COMT: variants seen among roughly 807,000 people sequenced by gnomAD.
COMT encodes the protein catechol O-methyltransferase.
Under a neutral mutation model 18.9 loss-of-function variants are expected in COMT, and 13 were observed. The ratio of observed to expected loss-of-function variants is 0.69; its 90% CI spans 0.45 to 1.09. COMT has a LOEUF of 1.09. Ranked by LOEUF, COMT falls within the 50% of genes least tolerant of loss-of-function variation. The probability of loss-of-function intolerance (pLI) is 0.00; values close to 1 mark genes in which losing one functional copy is unlikely to be tolerated. For missense variants in COMT, 329 were observed against 361.8 expected, an observed-to-expected ratio of 0.91 and a Z score of 0.73; for synonymous variants, 150 against 160.9, an observed-to-expected ratio of 0.93 and a Z score of 0.51.
intron 1 of COMT, among the ~76,000 whole-genome samples, chr22:19,949,341 A>G (rs1213534156): frequency 6.6e-6 from 1 of 152,084 alleles, no homozygotes; most frequent in Non-Finnish European, 1.5e-5. Context: ...GGGTTTCATC[A>G]TGTTTCCCAG....
rs201665828 is a variant in COMT at position 19,958,899 on chromosome 22, C to CA, written c.-91-2291dup. On this transcript the variant is annotated intron_variant, in intron 1 of 5. Coordinates refer to ENST00000361682, the MANE Select transcript of COMT (RefSeq NM_000754.4). The stretch of plus-strand genomic sequence containing the variant: ...AGAGTGAGACCCTGTTTCAAAAAAA[C>CA]AAAAAAAAAGCACATTTCAAACATA... Among the ~76,000 whole-genome samples the CA allele has an allele frequency of 3.9e-3, 583 of 150,476 alleles. 4 individuals carry two copies. Among genetic ancestry groups the CA allele is most frequent in the African/African-American group, 0.012 (484 of 41,030 alleles).
intron 1 of COMT, among the ~76,000 whole-genome samples, chr22:19,955,681 C>T (rs558962880): frequency 1.3e-4 from 20 of 152,382 alleles, no homozygotes; most frequent in African/African-American, 4.1e-4. Flanking sequence ...CTTGTCTCCC[C>T]GACTGGGCCA....
At chr22:19,965,567 C>T (rs960249445) in intron 5 of COMT, 1 of 152,206 alleles carries the variant, frequency 6.6e-6, no homozygotes, top group African/African-American at 2.4e-5. Flanking sequence ...GTCTCAATAT[C>T]CTGACTTCGT....
intron 1 of COMT, among the ~76,000 whole-genome samples, chr22:19,959,929 C>A (rs1268595755): frequency 1.3e-5 from 2 of 152,186 alleles, no homozygotes; most frequent in African/African-American, 4.8e-5. Flanking sequence ...GTGGGACAGG[C>A]GGGCACTGGG....
rs942756513 is a variant in COMT, at chr22:19,969,573, C to T, written c.*837C>T. On this transcript the variant is annotated 3_prime_UTR_variant, in exon 6 of 6. Coordinates refer to ENST00000361682, the MANE Select transcript of COMT (RefSeq NM_000754.4). ...CTAGCCACCTCAGAGGCTCCAAGGG[C>T]CCAGTTCCCAGGCCCAGGACAGGAA... The T allele has an allele frequency of 2.0e-5, 3 of 152,836 alleles. No individual in the cohort carries two copies. The highest frequency in any genetic ancestry group is 4.8e-5 in the African/African-American group (2 of 41,452). The allele number at this position is 152,836 out of a possible 1,614,324, so 9.5% of individuals were successfully genotyped here.
Position 19,963,321 on chromosome 22 carries a change from T to C in COMT, c.290-245T>C, listed in dbSNP as rs1460091433. On this transcript the variant is annotated intron_variant, in intron 3 of 5. Coordinates refer to ENST00000361682, the MANE Select transcript of COMT (RefSeq NM_000754.4). Reference sequence around the variant, plus strand: ...GAAAAGATAGGGACCAGCGTGAGCATAGAGGCTAAGGGACCATGGGAGCTC... The same window carrying C: ...GAAAAGATAGGGACCAGCGTGAGCACAGAGGCTAAGGGACCATGGGAGCTC... 5.0e-6 allele frequency: 3 copies of C among 599,518 alleles called. 1 individual carries two copies. The East Asian group carries it at 8.3e-5, about 17-fold the overall frequency. 37.1% of individuals were successfully genotyped at this position (599,518 alleles called of 1,614,324 possible). A position where few individuals can be genotyped will look rare whatever the true frequency, so the allele number is the denominator to read the frequency against.
At chr22:19,942,283 G>A (rs1569122108) in intron 1 of COMT, among the ~76,000 whole-genome samples, 1 of 152,170 alleles carries the variant, frequency 6.6e-6, no homozygotes, top group African/African-American at 2.4e-5. Context: ...CACAGGGGAG[G>A]GTCCCACTTG....
intron 1 of COMT, chr22:19,950,845 C>T (rs913369501): frequency 2.0e-5 from 3 of 152,186 alleles, no homozygotes. Context: ...AGGAAGGAAG[C>T]AGACAGAGGC....
chr22:19,942,066 G>A (rs1941743364), intron 1 of COMT, 169 bp downstream of exon 1: 2 of 392,974 alleles, frequency 5.1e-6, no homozygotes, highest in Non-Finnish European at 9.0e-6. Flanking sequence ...GATGGGAACT[G>A]GGGAATTCGG....
chr22:19,957,804 G>C (rs71312727), intron 1 of COMT, among the ~76,000 whole-genome samples: 16,648 of 152,302 alleles, frequency 0.11, 1,086 homozygotes, highest in Non-Finnish European at 0.14. Context: ...TCATGAGCTT[G>C]CGAGCCGATG....
chr22:19,948,641 CAG>C (rs1569125405), intron 1 of COMT, among the ~76,000 whole-genome samples: 2 of 152,118 alleles, frequency 1.3e-5, no homozygotes, highest in African/African-American at 4.8e-5. Flanking sequence ...GCCTCAGTAA[CAG>C]AGTGAGACTC....
chr22:19,968,955 T>C lies in COMT; in HGVS notation c.*219T>C, dbSNP rs1444921889. 1.1e-5 allele frequency: 6 copies of C among 548,120 alleles called. No homozygotes were observed. The African/African-American group carries it at 1.1e-4, about 10-fold the overall frequency. 34.0% of individuals were successfully genotyped at this position (548,120 alleles called of 1,614,324 possible). A position where few individuals can be genotyped will look rare whatever the true frequency, so the allele number is the denominator to read the frequency against. ...GACTTCTTTACTAACACTGGCTAGC[T>C]ATATTATCTTATATACTAATATCAT... On this transcript the variant is annotated 3_prime_UTR_variant, in exon 6 of 6. Coordinates refer to ENST00000361682, the MANE Select transcript of COMT (RefSeq NM_000754.4).
At chr22:19,964,327 G>A in intron 5 of COMT, 28 bp downstream of exon 5, 1 of 1,613,664 alleles carries the variant, frequency 6.2e-7, no homozygotes, top group Middle Eastern at 1.6e-4. Flanking sequence ...TGGCATCCGT[G>A]CCAGCTGCTG....
chr22:19,959,083 G>A (rs1321986747), intron 1 of COMT, among the ~76,000 whole-genome samples: 5 of 152,144 alleles, frequency 3.3e-5, no homozygotes, highest in East Asian at 1.9e-4. Context: ...TCGGATCATA[G>A]GGGGTCCCGA....
At chr22:19,962,086 G>A (rs1942204396) in intron 2 of COMT, 2 of 276,042 alleles carry the variant, frequency 7.2e-6, no homozygotes, top group Non-Finnish European at 1.4e-5. Flanking sequence ...GAGGCCAAGG[G>A]GCTGCACCAT....
Position 19,942,002 on chromosome 22 carries a change from T to C in COMT, c.-92+105T>C, listed in dbSNP as rs553783557. The C allele has an allele frequency of 1.4e-3, 638 of 459,622 alleles. 3 individuals carry two copies. Among genetic ancestry groups the C allele is most frequent in the African/African-American group, 0.012 (574 of 47,840 alleles). The allele number at this position is 459,622 out of a possible 1,614,324, so 28.5% of individuals were successfully genotyped here. On this transcript the variant is annotated intron_variant, in intron 1 of 5. Coordinates refer to ENST00000361682, the MANE Select transcript of COMT (RefSeq NM_000754.4). The stretch of plus-strand genomic sequence containing the variant: ...ATAGGGTGTGGGGAATTCGGACCGC[T>C]GTGAAGTGATCTGACGTTGGGTGGG...
intron 1 of COMT, among the ~76,000 whole-genome samples, chr22:19,954,472 G>C (rs1312276158): frequency 6.6e-6 from 1 of 152,156 alleles, no homozygotes; most frequent in Non-Finnish European, 1.5e-5. Flanking sequence ...TTTGTTTTGA[G>C]ATGGAGTCCC....
intron 1 of COMT, among the ~76,000 whole-genome samples, chr22:19,958,817 A>G (rs1444384089): frequency 6.6e-6 from 1 of 150,688 alleles, no homozygotes; most frequent in Non-Finnish European, 1.5e-5. Context: ...CCTTGAGCCC[A>G]GGAGGTCGAG....
At chr22:19,949,553 A>T (rs1019142557) in intron 1 of COMT, among the ~76,000 whole-genome samples, 5 of 151,720 alleles carry the variant, frequency 3.3e-5, no homozygotes, top group African/African-American at 9.7e-5. Context: ...TGTTTCTAGG[A>T]GTTTTGTTTT....
Sources: gnomAD v4.1 joint callset for allele counts (sites outside exome capture counted in the v4.1 genomes callset) on GRCh38, gnomAD v4.1.1 for gene constraint, MANE v1.5 for transcripts, NCBI Gene and HGNC (gene_info 2026-07-23, HGNC 2026-07-21) for gene names.